The following YPEL2 variants were observed in gnomAD, a reference collection of about 807,000 sequenced individuals.
The protein encoded by YPEL2 is protein yippee-like 2.
Under a neutral mutation model 19.1 loss-of-function variants are expected in YPEL2, and 2 were observed. That is an observed-to-expected ratio of 0.10 (90% CI 0.04 to 0.33). The LOEUF (loss-of-function observed/expected upper bound fraction) is 0.33, where lower values mean the gene tolerates loss of function less well. Ranked by LOEUF, YPEL2 falls within the 10% of genes least tolerant of loss-of-function variation. The probability of loss-of-function intolerance (pLI) is 1.00; values close to 1 mark genes in which losing one functional copy is unlikely to be tolerated. For missense variants in YPEL2, 66 were observed against 140.7 expected (o/e 0.47, Z 2.68); for synonymous variants, 52 against 50.0 (o/e 1.04, Z -0.17).
chr17:59,388,917 G>A (rs2047994383), intron 3 of YPEL2: 2 of 202,408 alleles, frequency 9.9e-6, no homozygotes, highest in South Asian at 1.0e-4. Context: ...AAGGAGTAGA[G>A]CCTATTCAGC....
chr17:59,352,642 AGGG>A (rs1308995738), intron 1 of YPEL2, among the ~76,000 whole-genome samples: 1 of 152,240 alleles, frequency 6.6e-6, no homozygotes, highest in Non-Finnish European at 1.5e-5. Flanking sequence ...GCTTAGCACT[AGGG>A]ATCCTGCTGA....
In YPEL2 at chr17:59,397,407, C is replaced by T; in HGVS notation, c.*217C>T. Reference sequence around the variant, plus strand: ...GTATCTGTTTGTGAGTTGATCCTGGCTTCTCTCTCTGTTCTAGTTTTGGCT... The same window carrying T: ...GTATCTGTTTGTGAGTTGATCCTGGTTTCTCTCTCTGTTCTAGTTTTGGCT... On this transcript the variant is annotated 3_prime_UTR_variant, in exon 5 of 5. Transcript: ENST00000312655. The T allele has an allele frequency of 2.6e-6, 1 of 387,100 alleles. No individual in the cohort carries two copies. The highest frequency in any genetic ancestry group is 4.5e-5 in the Admixed American group (1 of 22,280). 24.0% of individuals were successfully genotyped at this position (387,100 alleles called of 1,614,324 possible).
intron 2 of YPEL2, among the ~76,000 whole-genome samples, chr17:59,367,802 A>G (rs1598040876): frequency 6.6e-6 from 1 of 152,198 alleles, no homozygotes; most frequent in Non-Finnish European, 1.5e-5. Flanking sequence ...GGTTCCCACC[A>G]TAGGTTACAA....
chr17:59,334,969 T>TCA, intron 1 of YPEL2, among the ~76,000 whole-genome samples: 1 of 152,276 alleles, frequency 6.6e-6, no homozygotes, highest in Middle Eastern at 3.4e-3. Flanking sequence ...GAGGATGTGA[T>TCA]CAATTCCCAT....
chr17:59,356,874 C>G (rs941448376), intron 2 of YPEL2, among the ~76,000 whole-genome samples: 2 of 152,194 alleles, frequency 1.3e-5, no homozygotes, highest in East Asian at 3.9e-4. Flanking sequence ...ATCCCATTCA[C>G]AAGAGCTTTG....
chr17:59,383,049 T>C (rs2047957840), intron 2 of YPEL2, among the ~76,000 whole-genome samples: 1 of 152,188 alleles, frequency 6.6e-6, no homozygotes, highest in African/African-American at 2.4e-5. Flanking sequence ...CCTCTGAAAC[T>C]CTTTGTTTGG....
At chr17:59,363,707 T>C (rs1375869427) in intron 2 of YPEL2, among the ~76,000 whole-genome samples, 1 of 152,232 alleles carries the variant, frequency 6.6e-6, no homozygotes, top group Non-Finnish European at 1.5e-5. Flanking sequence ...ATCCTTTCAA[T>C]GTGGGGATTA....
At chr17:59,382,483 A>G (rs2047954627) in intron 2 of YPEL2, among the ~76,000 whole-genome samples, 1 of 152,228 alleles carries the variant, frequency 6.6e-6, no homozygotes, top group South Asian at 2.1e-4. Context: ...TGGCCTTCAC[A>G]CTTTTAAAAT....
chr17:59,380,503 C>T (rs2047943752), intron 2 of YPEL2, among the ~76,000 whole-genome samples: 1 of 152,166 alleles, frequency 6.6e-6, no homozygotes, highest in Non-Finnish European at 1.5e-5. Flanking sequence ...CTCCTGACCT[C>T]AAGTGATCTG....
At chr17:59,351,998 C>T (rs1055323343) in intron 1 of YPEL2, among the ~76,000 whole-genome samples, 2 of 152,098 alleles carry the variant, frequency 1.3e-5, no homozygotes, top group African/African-American at 4.8e-5. Flanking sequence ...ATGGCAGTTT[C>T]GCCTTAGAAG....
intron 4 of YPEL2, 25 bp downstream of exon 4, chr17:59,389,493 T>C: frequency 1.3e-6 from 2 of 1,585,066 alleles, no homozygotes; most frequent in Non-Finnish European, 1.7e-6. Context: ...GTTTGGTTGG[T>C]AGAGGGCTGG....
At chr17:59,351,729 G>A (rs996966531) in intron 1 of YPEL2, among the ~76,000 whole-genome samples, 1 of 152,132 alleles carries the variant, frequency 6.6e-6, no homozygotes. Context: ...GAGCAGGGGC[G>A]ACATCATACA....
chr17:59,369,928 T>C (rs2047888455), intron 2 of YPEL2, among the ~76,000 whole-genome samples: 1 of 152,254 alleles, frequency 6.6e-6, no homozygotes, highest in Non-Finnish European at 1.5e-5. Flanking sequence ...GTGAATCATG[T>C]CTTTTGCCTC....
At chr17:59,382,959 C>A (rs1296546844) in intron 2 of YPEL2, among the ~76,000 whole-genome samples, 1 of 152,002 alleles carries the variant, frequency 6.6e-6, no homozygotes, top group Non-Finnish European at 1.5e-5. Flanking sequence ...AGTGTTCTTA[C>A]AATATTTCGG....
intron 2 of YPEL2, among the ~76,000 whole-genome samples, chr17:59,383,855 T>TG: frequency 1.3e-5 from 2 of 151,996 alleles, no homozygotes; most frequent in Middle Eastern, 6.8e-3. Context: ...ATCAATAGTT[T>TG]GTTCCTCTTT....
chr17:59,377,951 A>G (rs980850066), intron 2 of YPEL2, among the ~76,000 whole-genome samples: 3 of 152,198 alleles, frequency 2.0e-5, no homozygotes, highest in Non-Finnish European at 4.4e-5. Context: ...CAATCATTTC[A>G]TCTTCACCAC....
intron 2 of YPEL2, among the ~76,000 whole-genome samples, chr17:59,379,440 G>A (rs768855894): frequency 1.3e-4 from 20 of 152,206 alleles, no homozygotes; most frequent in Admixed American, 2.6e-4. Context: ...GGGTTTAGAC[G>A]ACACTCCAAG....
intron 3 of YPEL2, 119 bp downstream of exon 3, chr17:59,388,489 G>GCTCCACA: frequency 2.0e-6 from 2 of 1,014,522 alleles, no homozygotes; most frequent in Non-Finnish European, 3.1e-6. Context: ...AAAACTCTGT[G>GCTCCACA]GAGCATTACT....
At chr17:59,338,874 T>G (rs1361847604) in intron 1 of YPEL2, among the ~76,000 whole-genome samples, 1 of 152,130 alleles carries the variant, frequency 6.6e-6, no homozygotes, top group Non-Finnish European at 1.5e-5. Flanking sequence ...GGATGGGGAA[T>G]TTGTAACAAA....
Sources: gnomAD v4.1 joint callset for allele counts (sites outside exome capture counted in the v4.1 genomes callset) on GRCh38, gnomAD v4.1.1 for gene constraint, MANE v1.5 for transcripts, NCBI Gene and HGNC (gene_info 2026-07-23, HGNC 2026-07-21) for gene names.